PXMP4: variants seen among roughly 807,000 people sequenced by gnomAD.
The protein encoded by PXMP4 is 24 kDa peroxisomal intrinsic membrane protein.
In PXMP4, 16 loss-of-function variants were observed where a neutral mutation model predicts 21.6. The ratio of observed to expected loss-of-function variants is 0.74; its 90% CI spans 0.50 to 1.13. PXMP4 has a LOEUF of 1.13. Among genes scored for constraint, PXMP4 ranks in the 50% most tolerant of loss-of-function variants. The pLI is 0.00. For missense variants in PXMP4, 240 were observed against 277.7 expected, an observed-to-expected ratio of 0.86 and a Z score of 0.96; for synonymous variants, 127 against 123.8, an observed-to-expected ratio of 1.03 and a Z score of -0.17.
intron 1 of PXMP4, among the ~76,000 whole-genome samples, chr20:33,719,205 C>G (rs2018420245): frequency 6.6e-6 from 1 of 152,162 alleles, no homozygotes; most frequent in Non-Finnish European, 1.5e-5. Context: ...CTGTGCTAAG[C>G]ATTTCACACA....
chr20:33,710,979 C>T lies in PXMP4; in HGVS notation c.177-226G>A, dbSNP rs577139063. 6.6e-5 allele frequency among the ~76,000 whole-genome samples: 10 copies of T among 152,340 alleles called. No homozygotes were observed. The South Asian group carries it at 1.9e-3, about 28-fold the overall frequency. ...CTACAGAACAGAATACCCATCACATCCTGTCCTGACCCTAATTTTCTTTTC... is the reference window on the plus strand; with the variant it reads ...CTACAGAACAGAATACCCATCACATTCTGTCCTGACCCTAATTTTCTTTTC... On this transcript the variant is annotated intron_variant, in intron 2 of 3. Transcript: ENST00000409299.
chr20:33,720,270 A>G lies in PXMP4; in HGVS notation c.-63T>C, dbSNP rs2018438367. The G allele has an allele frequency of 2.8e-6, 4 of 1,451,466 alleles. No individual in the cohort carries two copies. Among genetic ancestry groups the G allele is most frequent in the Non-Finnish European group, 3.8e-6 (4 of 1,058,960 alleles). 89.9% of individuals were successfully genotyped at this position (1,451,466 alleles called of 1,614,324 possible). ...AAGCGCACTGACAGCCGGAGGTTCC[A>G]GCTGCGCGCCCACAGCCCCTCGGTA... On this transcript the variant is annotated 5_prime_UTR_variant, in exon 1 of 4. Coordinates refer to ENST00000409299, the MANE Select transcript of PXMP4 (RefSeq NM_007238.5).
chr20:33,717,431 G>A (rs1301819691), intron 1 of PXMP4, among the ~76,000 whole-genome samples: 1 of 151,138 alleles, frequency 6.6e-6, no homozygotes, highest in Admixed American at 6.6e-5. Context: ...ACGAGGTCAG[G>A]AGATTGAGAC....
At chr20:33,712,498 G>A (rs984321482) in intron 2 of PXMP4, among the ~76,000 whole-genome samples, 3 of 151,900 alleles carry the variant, frequency 2.0e-5, no homozygotes, top group African/African-American at 7.3e-5. Flanking sequence ...TGCCCAGGCT[G>A]GAGTCCAGTG....
At chr20:33,714,221 C>G (rs2018360745) in intron 2 of PXMP4, among the ~76,000 whole-genome samples, 2 of 152,070 alleles carry the variant, frequency 1.3e-5, no homozygotes, top group South Asian at 2.1e-4. Context: ...AGTTTTCAAG[C>G]AGGGATAATG....
chr20:33,708,085 T>C (rs2018282805), intron 3 of PXMP4, 116 bp from the exon 4 acceptor site: 12 of 1,203,650 alleles, frequency 1.0e-5, no homozygotes, highest in Non-Finnish European at 5.7e-6. Flanking sequence ...TGGCTAGGGG[T>C]TTATTTATTT....
At chr20:33,710,494 ACCC>A in intron 3 of PXMP4, 58 bp downstream of exon 3, 2 of 299,632 alleles carry the variant, frequency 6.7e-6, no homozygotes, top group Non-Finnish European at 9.7e-6. Context: ...CCCTTCTGTC[ACCC>A]CCACCTCTGT....
Position 33,720,262 on chromosome 20 carries a change from G to C in PXMP4, c.-55C>G. 2 of 1,506,312 alleles carry C rather than the reference G, an allele frequency of 1.3e-6. No homozygotes were observed. Among genetic ancestry groups the C allele is most frequent in the Non-Finnish European group, 1.8e-6 (2 of 1,105,134 alleles). The allele number at this position is 1,506,312 out of a possible 1,614,324, so 93.3% of individuals were successfully genotyped here. A position where few individuals can be genotyped will look rare whatever the true frequency, so the allele number is the denominator to read the frequency against. ...GGAACTGTAAGCGCACTGACAGCCGGAGGTTCCAGCTGCGCGCCCACAGCC... is the reference window on the plus strand; with the variant it reads ...GGAACTGTAAGCGCACTGACAGCCGCAGGTTCCAGCTGCGCGCCCACAGCC... On this transcript the variant is annotated 5_prime_UTR_variant, in exon 1 of 4. Transcript: ENST00000409299.
Position 33,720,267 on chromosome 20 carries a change from T to G in PXMP4, c.-60A>C, listed in dbSNP as rs2018438311. 6.1e-6 allele frequency: 9 copies of G among 1,468,816 alleles called. 1 individual carries two copies. Among genetic ancestry groups the G allele is most frequent in the South Asian group, 1.2e-5 (1 of 83,632 alleles). 91.0% of individuals were successfully genotyped at this position (1,468,816 alleles called of 1,614,324 possible). A position where few individuals can be genotyped will look rare whatever the true frequency, so the allele number is the denominator to read the frequency against. On this transcript the variant is annotated 5_prime_UTR_variant, in exon 1 of 4. Coordinates refer to ENST00000409299, the MANE Select transcript of PXMP4 (RefSeq NM_007238.5). ...TGTAAGCGCACTGACAGCCGGAGGT[T>G]CCAGCTGCGCGCCCACAGCCCCTCG...
At chr20:33,711,791 A>G (rs565116562) in intron 2 of PXMP4, among the ~76,000 whole-genome samples, 2 of 152,190 alleles carry the variant, frequency 1.3e-5, no homozygotes, top group South Asian at 4.2e-4. Flanking sequence ...CAGGAGTTCC[A>G]GACCAGCCTG....
chr20:33,716,910 A>G (rs1310770261), intron 1 of PXMP4, among the ~76,000 whole-genome samples: 1 of 152,132 alleles, frequency 6.6e-6, no homozygotes, highest in East Asian at 1.9e-4. Flanking sequence ...GTAAAAATGC[A>G]TTTATAAAAA....
At chr20:33,714,488 A>T (rs1325988892) in intron 2 of PXMP4, among the ~76,000 whole-genome samples, 186 bp downstream of exon 2, 1 of 152,004 alleles carries the variant, frequency 6.6e-6, no homozygotes, top group Non-Finnish European at 1.5e-5. Flanking sequence ...CCGCACTCTG[A>T]CCTGGGTGAC....
In PXMP4 at chr20:33,707,620, G is replaced by T; in HGVS notation, c.*86C>A. The T allele has an allele frequency of 6.6e-7, 1 of 1,510,034 alleles. No individual in the cohort carries two copies. The highest frequency in any genetic ancestry group is 9.0e-7 in the Non-Finnish European group (1 of 1,111,358). The allele number at this position is 1,510,034 out of a possible 1,614,324, so 93.5% of individuals were successfully genotyped here. A position where few individuals can be genotyped will look rare whatever the true frequency, so the allele number is the denominator to read the frequency against. On this transcript the variant is annotated 3_prime_UTR_variant, in exon 4 of 4. Transcript: ENST00000409299. Reference sequence around the variant, plus strand: ...GGGATAACACCAGTTGGAGTCTGAGGCCTATGATCTTGAGAAGGCAGTATC... The same window carrying T: ...GGGATAACACCAGTTGGAGTCTGAGTCCTATGATCTTGAGAAGGCAGTATC...
intron 1 of PXMP4, among the ~76,000 whole-genome samples, chr20:33,716,931 T>G (rs2018389123): frequency 6.6e-6 from 1 of 152,162 alleles, no homozygotes; most frequent in Admixed American, 6.5e-5. Context: ...GGCTGGCACT[T>G]TGGGAAGCTG....
intron 3 of PXMP4, among the ~76,000 whole-genome samples, chr20:33,708,652 T>C (rs2018290125): frequency 6.6e-6 from 1 of 152,066 alleles, no homozygotes; most frequent in African/African-American, 2.4e-5. Context: ...GGATTATATG[T>C]GACAGCCAAT....
Position 33,712,908 on chromosome 20 carries a change from C to A in PXMP4, c.176+1766G>T, listed in dbSNP as rs181636670. Among the ~76,000 whole-genome samples the A allele has an allele frequency of 3.9e-5, 6 of 152,296 alleles. No homozygotes were observed. In the South Asian group the frequency reaches 1.2e-3, roughly 32 times the overall value. On this transcript the variant is annotated intron_variant, in intron 2 of 3. Transcript: ENST00000409299. ...CTTCCCAAAGTGCTGGGATTACAGG[C>A]ATGAGCCACTGTGCCCAACCTAATC...
At chr20:33,713,708 C>CAACAAA (rs2018355231) in intron 2 of PXMP4, among the ~76,000 whole-genome samples, 4 of 151,836 alleles carry the variant, frequency 2.6e-5, no homozygotes, top group Admixed American at 2.6e-4. Flanking sequence ...ACTTGGAGGA[C>CAACAAA]AACAAAAACA....
chr20:33,711,059 C>A (rs2018320869), intron 2 of PXMP4, among the ~76,000 whole-genome samples: 1 of 152,210 alleles, frequency 6.6e-6, no homozygotes, highest in Admixed American at 6.5e-5. Flanking sequence ...TATCTTCCCT[C>A]ACCCCAGTAG....
intron 2 of PXMP4, among the ~76,000 whole-genome samples, chr20:33,714,028 G>A (rs995312502): frequency 6.6e-6 from 1 of 152,212 alleles, no homozygotes; most frequent in East Asian, 1.9e-4. Context: ...CACTCCTGGC[G>A]GGGGTGCTGC....
Sources: gnomAD v4.1 joint callset for allele counts (sites outside exome capture counted in the v4.1 genomes callset) on GRCh38, gnomAD v4.1.1 for gene constraint, MANE v1.5 for transcripts, NCBI Gene and HGNC (gene_info 2026-07-23, HGNC 2026-07-21) for gene names.